OXR1: variants seen among roughly 807,000 people sequenced by gnomAD.
OXR1 encodes the protein oxidation resistance protein 1.
OXR1 carries 41 observed loss-of-function variants against 104.6 expected under a neutral mutation model. The ratio of observed to expected loss-of-function variants is 0.39; its 90% CI spans 0.31 to 0.51. The LOEUF (loss-of-function observed/expected upper bound fraction) is 0.51, where lower values mean the gene tolerates loss of function less well. Among genes scored for constraint, OXR1 ranks in the 20% least tolerant of loss-of-function variants. The pLI, the probability that OXR1 is intolerant of heterozygous loss-of-function variation, is 0.77. For missense variants in OXR1, 955 were observed against 1,031.9 expected (o/e 0.93, Z 1.02); for synonymous variants, 348 against 348.4 (o/e 1.00, Z 0.01).
chr8:106,535,103 C>T (rs1344483398), intron 3 of OXR1, among the ~76,000 whole-genome samples: 1 of 152,172 alleles, frequency 6.6e-6, no homozygotes, highest in Non-Finnish European at 1.5e-5. Context: ...GCTGAGACTA[C>T]AGGCACCCGC....
chr8:106,748,125 A>G (rs1835549537), intron 16 of OXR1, among the ~76,000 whole-genome samples: 1 of 152,212 alleles, frequency 6.6e-6, no homozygotes, highest in Non-Finnish European at 1.5e-5. Context: ...GTCTATTGTC[A>G]TAAGACCATA....
At chr8:106,294,051 T>C (rs1413926475) in intron 1 of OXR1, among the ~76,000 whole-genome samples, 1 of 149,758 alleles carries the variant, frequency 6.7e-6, no homozygotes, top group East Asian at 2.0e-4. Flanking sequence ...TTACTTTGTG[T>C]TTATGAAGTA....
At chr8:106,716,585 C>T (rs570839164) in intron 11 of OXR1, among the ~76,000 whole-genome samples, 1 of 24,178 alleles carries the variant, frequency 4.1e-5, no homozygotes, top group East Asian at 1.6e-3. Context: ...GATTGCGCCA[C>T]TGCAGTCCGC....
chr8:106,325,593 C>T (rs946600061), intron 1 of OXR1, among the ~76,000 whole-genome samples: 5 of 152,180 alleles, frequency 3.3e-5, no homozygotes, highest in Non-Finnish European at 7.4e-5. Flanking sequence ...ATGCTGGTTA[C>T]TCTCCAGCTT....
intron 1 of OXR1, among the ~76,000 whole-genome samples, chr8:106,338,779 A>G (rs1210291456): frequency 6.6e-6 from 1 of 152,118 alleles, no homozygotes; most frequent in Non-Finnish European, 1.5e-5. Context: ...TAAGCCATCC[A>G]TGCTTTATAA....
intron 3 of OXR1, among the ~76,000 whole-genome samples, chr8:106,634,102 A>G (rs1357253758): frequency 6.6e-6 from 1 of 152,360 alleles, no homozygotes; most frequent in Non-Finnish European, 1.5e-5. Context: ...AAACTATCAG[A>G]ACTACTACTC....
intron 1 of OXR1, among the ~76,000 whole-genome samples, chr8:106,355,434 A>G (rs973732502): frequency 7.2e-5 from 11 of 152,162 alleles, no homozygotes; most frequent in Non-Finnish European, 1.5e-4. Flanking sequence ...AGCCCAATAC[A>G]GGGTTTTTTA....
At chr8:106,381,729 C>A (rs1440362819) in intron 2 of OXR1, among the ~76,000 whole-genome samples, 1 of 152,110 alleles carries the variant, frequency 6.6e-6, no homozygotes, top group Non-Finnish European at 1.5e-5. Context: ...TCAATTCATT[C>A]ATGAAGAAAT....
At chr8:106,392,831 TA>T (rs1817636645) in intron 2 of OXR1, among the ~76,000 whole-genome samples, 1 of 152,154 alleles carries the variant, frequency 6.6e-6, no homozygotes, top group African/African-American at 2.4e-5. Context: ...CTTCACAGGA[TA>T]GGGGTCATCA....
intron 13 of OXR1, among the ~76,000 whole-genome samples, 165 bp downstream of exon 13, chr8:106,739,748 A>T (rs1265768830): frequency 6.6e-6 from 1 of 151,892 alleles, no homozygotes; most frequent in Non-Finnish European, 1.5e-5. Context: ...GTTAATTAAG[A>T]TGTTAGGAGA....
intron 3 of OXR1, among the ~76,000 whole-genome samples, chr8:106,567,382 T>G (rs1464019981): frequency 6.6e-6 from 1 of 152,196 alleles, no homozygotes; most frequent in Non-Finnish European, 1.5e-5. Context: ...CAGTGTGTGC[T>G]TTATACAGAT....
intron 3 of OXR1, among the ~76,000 whole-genome samples, chr8:106,640,771 G>C (rs1823563524): frequency 6.6e-6 from 1 of 152,122 alleles, no homozygotes; most frequent in Admixed American, 6.5e-5. Flanking sequence ...AATTTTGCCA[G>C]TGATTCAATG....
At chr8:106,589,351 T>G (rs1818900782) in intron 3 of OXR1, among the ~76,000 whole-genome samples, 1 of 151,876 alleles carries the variant, frequency 6.6e-6, no homozygotes, top group Admixed American at 6.5e-5. Flanking sequence ...TTTTTTTTTT[T>G]TTTTTCCACA....
chr8:106,664,645 T>C (rs1826094372), intron 3 of OXR1, among the ~76,000 whole-genome samples: 1 of 152,222 alleles, frequency 6.6e-6, no homozygotes, highest in African/African-American at 2.4e-5. Context: ...GTAATTGTTT[T>C]TTGACTTGGG....
At position 106,308,007 on chromosome 8, in the gene OXR1, C is replaced by A. The variant is rs113742576; in HGVS notation, c.-139+37640C>A. ...AAATGGAACCAAAAGGACACACACACACACAAACACACACACACATACACA... is the reference window on the plus strand; with the variant it reads ...AAATGGAACCAAAAGGACACACACAAACACAAACACACACACACATACACA... On this transcript the variant is annotated intron_variant, in intron 1 of 16. Transcript: ENST00000517566. Among the ~76,000 whole-genome samples the A allele has an allele frequency of 7.0e-3, 999 of 142,486 alleles. 6 individuals are homozygous for A. The highest frequency in any genetic ancestry group is 0.029 in the African/African-American group (956 of 32,506). The allele number at this position is 142,486 out of a possible 152,430, so 93.5% of individuals were successfully genotyped here. A position where few individuals can be genotyped will look rare whatever the true frequency, so the allele number is the denominator to read the frequency against.
At chr8:106,562,365 A>G (rs895436172) in intron 3 of OXR1, among the ~76,000 whole-genome samples, 1 of 152,112 alleles carries the variant, frequency 6.6e-6, no homozygotes, top group Non-Finnish European at 1.5e-5. Context: ...TGAAGAAAGG[A>G]TATCAGAGAT....
At chr8:106,616,669 A>G (rs1563645258) in intron 3 of OXR1, among the ~76,000 whole-genome samples, 1 of 152,144 alleles carries the variant, frequency 6.6e-6, no homozygotes. Flanking sequence ...TCTATATTAC[A>G]TGCAAAATCT....
intron 10 of OXR1, among the ~76,000 whole-genome samples, chr8:106,711,390 CAGTT>C (rs1831674071): frequency 6.6e-6 from 1 of 152,084 alleles, no homozygotes; most frequent in Non-Finnish European, 1.5e-5. Context: ...ATTACTTTAA[CAGTT>C]AGACATTGCA....
At chr8:106,485,962 G>C (rs1265262824) in intron 2 of OXR1, among the ~76,000 whole-genome samples, 2 of 151,716 alleles carry the variant, frequency 1.3e-5, no homozygotes, top group Non-Finnish European at 2.9e-5. Flanking sequence ...GGACAGAGGG[G>C]GTGGGGGTGG....
Sources: allele counts gnomAD v4.1 joint callset (sites outside exome capture counted in the v4.1 genomes callset), GRCh38; gene constraint gnomAD v4.1.1; transcripts MANE v1.5; gene names NCBI Gene and HGNC (gene_info 2026-07-23, HGNC 2026-07-21).